Variants in CLDN10 observed in about 807,000 individuals in gnomAD.
CLDN10 encodes claudin 10, also known as claudin-10.
Under a neutral mutation model 22.9 loss-of-function variants are expected in CLDN10, and 15 were observed. The observed-to-expected ratio is 0.65, with a 90% CI of 0.44 to 1.01. CLDN10 has a LOEUF of 1.01. Among genes scored for constraint, CLDN10 ranks in the 50% least tolerant of loss-of-function variants. The pLI is 0.00. For missense variants in CLDN10, 247 were observed against 287.8 expected, an observed-to-expected ratio of 0.86 and a Z score of 1.03; for synonymous variants, 114 against 111.4, an observed-to-expected ratio of 1.02 and a Z score of -0.15.
chr13:95,572,238 CCGA>C (rs2043872678), intron 3 of CLDN10, among the ~76,000 whole-genome samples: 1 of 152,084 alleles, frequency 6.6e-6, no homozygotes, highest in Non-Finnish European at 1.5e-5. Context: ...AGAGACAACT[CCGA>C]TCTTTCTGAA....
chr13:95,502,719 C>T (rs1048259589), intron 1 of CLDN10, among the ~76,000 whole-genome samples: 1 of 152,148 alleles, frequency 6.6e-6, no homozygotes, highest in Non-Finnish European at 1.5e-5. Flanking sequence ...CAGGGTCTCA[C>T]CATGTTGGCC....
intron 1 of CLDN10, among the ~76,000 whole-genome samples, chr13:95,498,377 T>C (rs2042949484): frequency 6.6e-6 from 1 of 152,170 alleles, no homozygotes; most frequent in African/African-American, 2.4e-5. Flanking sequence ...CAAAATATTT[T>C]ATGGGTGATA....
chr13:95,471,372 G>GTA (rs200898002), intron 1 of CLDN10, among the ~76,000 whole-genome samples: 13,941 of 147,802 alleles, frequency 0.094, 863 homozygotes, highest in South Asian at 0.22. Flanking sequence ...GTGTGTGTGT[G>GTA]TATATATATA....
At chr13:95,577,749 C>T (rs1326971595) in intron 4 of CLDN10, 151 bp from the exon 5 acceptor site, 1 of 563,894 alleles carries the variant, frequency 1.8e-6, no homozygotes, top group African/African-American at 1.9e-5. Flanking sequence ...ACTGAAAATA[C>T]TTCTTGGGGC....
chr13:95,564,907 C>T (rs550759324), intron 3 of CLDN10, among the ~76,000 whole-genome samples: 1 of 152,276 alleles, frequency 6.6e-6, no homozygotes, highest in East Asian at 1.9e-4. Context: ...TTCTTCCGAG[C>T]TACAATCATT....
intron 1 of CLDN10, among the ~76,000 whole-genome samples, chr13:95,471,805 G>A (rs999970449): frequency 6.6e-6 from 1 of 151,922 alleles, no homozygotes; most frequent in Non-Finnish European, 1.5e-5. Flanking sequence ...CCAGCCTGGA[G>A]TGCAGGGGCG....
At chr13:95,527,613 G>A (rs1457338481) in intron 1 of CLDN10, among the ~76,000 whole-genome samples, 1 of 152,086 alleles carries the variant, frequency 6.6e-6, no homozygotes, top group Admixed American at 6.5e-5. Context: ...GTGGGTGCCT[G>A]TAATCCCAGC....
At chr13:95,560,315 A>G (rs1347565480) in intron 2 of CLDN10, 22 bp downstream of exon 2, 3 of 1,613,710 alleles carry the variant, frequency 1.9e-6, no homozygotes, top group Non-Finnish European at 2.5e-6. Flanking sequence ...CTTTCTTCCA[A>G]ACAAGGTACT....
At chr13:95,487,337 A>G (rs2042814810) in intron 1 of CLDN10, among the ~76,000 whole-genome samples, 1 of 152,246 alleles carries the variant, frequency 6.6e-6, no homozygotes, top group Non-Finnish European at 1.5e-5. Context: ...TCATTTTTGA[A>G]TATTCAGTAC....
At chr13:95,567,616 T>C (rs532917509) in intron 3 of CLDN10, among the ~76,000 whole-genome samples, 136 of 152,314 alleles carry the variant, frequency 8.9e-4, no homozygotes, top group Non-Finnish European at 1.5e-3. Context: ...CCTTTATTTC[T>C]TTCTCTTGCC....
intron 1 of CLDN10, among the ~76,000 whole-genome samples, chr13:95,503,189 A>G (rs1414277765): frequency 6.6e-6 from 1 of 152,216 alleles, no homozygotes; most frequent in Non-Finnish European, 1.5e-5. Flanking sequence ...TCAAGACAGA[A>G]GCCAGAGGTG....
At position 95,555,047 on chromosome 13, in the gene CLDN10, GT is replaced by G. The variant is rs71211686; in HGVS notation, c.220+2094del. 5.4e-3 allele frequency among the ~76,000 whole-genome samples: 591 copies of G among 108,616 alleles called. 3 individuals are homozygous for G. The highest frequency in any genetic ancestry group is 0.019 in the African/African-American group (529 of 28,270). The allele number at this position is 108,616 out of a possible 152,430, so 71.3% of individuals were successfully genotyped here. On this transcript the variant is annotated intron_variant, in intron 1 of 4. Transcript: ENST00000299339. Reference sequence around the variant, plus strand: ...ATTCTCACCACTCTGTGTTAATCCAGTTTTTTTTTTTTTTTTTTTTGAGACG... The same window carrying G: ...ATTCTCACCACTCTGTGTTAATCCAGTTTTTTTTTTTTTTTTTTTGAGACG...
intron 1 of CLDN10, among the ~76,000 whole-genome samples, chr13:95,535,850 T>C (rs2043395167): frequency 6.6e-6 from 1 of 152,058 alleles, no homozygotes; most frequent in African/African-American, 2.4e-5. Flanking sequence ...AGAATGGGGC[T>C]ATGGAAGCCG....
intron 1 of CLDN10, among the ~76,000 whole-genome samples, chr13:95,441,420 CTT>C (rs2042323689): frequency 6.6e-6 from 1 of 152,076 alleles, no homozygotes; most frequent in Non-Finnish European, 1.5e-5. Flanking sequence ...ATTTTCATCT[CTT>C]TGTGGAGACG....
chr13:95,517,589 G>T (rs1197705352), intron 1 of CLDN10, among the ~76,000 whole-genome samples: 2 of 152,132 alleles, frequency 1.3e-5, no homozygotes, highest in Non-Finnish European at 2.9e-5. Context: ...TTTAAAACAT[G>T]CAGGGAGAAT....
intron 1 of CLDN10, among the ~76,000 whole-genome samples, chr13:95,520,456 C>T (rs1337173228): frequency 6.6e-6 from 1 of 152,132 alleles, no homozygotes; most frequent in African/African-American, 2.4e-5. Flanking sequence ...TCACTGCAAC[C>T]TCTGCCTCCT....
chr13:95,439,805 G>A (rs541137337), intron 1 of CLDN10, among the ~76,000 whole-genome samples: 4 of 152,046 alleles, frequency 2.6e-5, no homozygotes, highest in African/African-American at 9.7e-5. Context: ...GCCTTAGTCC[G>A]TGATTAAATA....
chr13:95,572,354 C>T (rs759426211), intron 3 of CLDN10, among the ~76,000 whole-genome samples: 16 of 152,138 alleles, frequency 1.1e-4, no homozygotes, highest in African/African-American at 3.4e-4. Flanking sequence ...TTAAGAGCTT[C>T]GGTTTGCAAT....
At chr13:95,492,501 C>T (rs1384338680) in intron 1 of CLDN10, among the ~76,000 whole-genome samples, 2 of 152,220 alleles carry the variant, frequency 1.3e-5, no homozygotes, top group Admixed American at 6.5e-5. Flanking sequence ...AAGGGTCGGC[C>T]TCACTCCCAC....
Sources: gnomAD v4.1 joint callset for allele counts (sites outside exome capture counted in the v4.1 genomes callset) on GRCh38, gnomAD v4.1.1 for gene constraint, MANE v1.5 for transcripts, NCBI Gene and HGNC (gene_info 2026-07-23, HGNC 2026-07-21) for gene names.